BEND6: variants seen among roughly 807,000 people sequenced by gnomAD.
The protein encoded by BEND6 is BEN domain-containing protein 6.
In BEND6, 24 loss-of-function variants were observed where a neutral mutation model predicts 31.8. That is an observed-to-expected ratio of 0.75 (90% CI 0.55 to 1.06). The LOEUF (loss-of-function observed/expected upper bound fraction) is 1.06. Ranked by LOEUF, BEND6 falls within the 50% of genes least tolerant of loss-of-function variation. The probability of loss-of-function intolerance (pLI) is 0.00; values close to 1 mark genes in which losing one functional copy is unlikely to be tolerated. For missense variants in BEND6, 294 were observed against 327.4 expected, an observed-to-expected ratio of 0.90 and a Z score of 0.79; for synonymous variants, 109 against 114.6, an observed-to-expected ratio of 0.95 and a Z score of 0.31.
chr6:57,002,427 T>C (rs559516968), intron 3 of BEND6, among the ~76,000 whole-genome samples: 1 of 152,152 alleles, frequency 6.6e-6, no homozygotes, highest in Non-Finnish European at 1.5e-5. Flanking sequence ...TCTCATCTGC[T>C]CATGGAAAAT....
chr6:57,018,704 G>A (rs1433784871), intron 6 of BEND6, 147 bp downstream of exon 6: 3 of 806,710 alleles, frequency 3.7e-6, no homozygotes, highest in Non-Finnish European at 5.1e-6. Flanking sequence ...TGGCAAAAGG[G>A]GAGAACTGGG....
intron 4 of BEND6, among the ~76,000 whole-genome samples, 191 bp from the exon 5 acceptor site, chr6:57,017,016 A>G (rs1274406213): frequency 6.6e-6 from 1 of 152,014 alleles, no homozygotes; most frequent in Non-Finnish European, 1.5e-5. Flanking sequence ...CAAAGATAAC[A>G]TTTAAATCTA....
Position 56,993,582 on chromosome 6 carries a change from A to T in BEND6, c.298+1027A>T, listed in dbSNP as rs75796942. ...AGAGTAATGATTCACATCCTTTCCTAAGAATATTTGTTAAATTAAAGGCTT... is the reference window on the plus strand; with the variant it reads ...AGAGTAATGATTCACATCCTTTCCTTAGAATATTTGTTAAATTAAAGGCTT... On this transcript the variant is annotated intron_variant, in intron 3 of 6. Transcript: ENST00000370746. Among the ~76,000 whole-genome samples the T allele has an allele frequency of 9.2e-3, 1,396 of 152,348 alleles. 21 individuals are homozygous for T. The highest frequency in any genetic ancestry group is 0.032 in the African/African-American group (1,319 of 41,576).
intron 3 of BEND6, among the ~76,000 whole-genome samples, chr6:57,011,715 CAAAAAAAAAAA>C (rs770049459): frequency 2.9e-5 from 1 of 34,112 alleles, no homozygotes; most frequent in African/African-American, 1.1e-4. Context: ...GGCCCTGTCT[CAAAAAAAAAAA>C]AAAAAAAAAG....
At chr6:57,022,571 C>T (rs1041622563) in intron 6 of BEND6, among the ~76,000 whole-genome samples, 1 of 151,800 alleles carries the variant, frequency 6.6e-6, no homozygotes, top group African/African-American at 2.4e-5. Context: ...CTAAAAACAC[C>T]AGTTTTTTCT....
intron 6 of BEND6, among the ~76,000 whole-genome samples, chr6:57,022,371 A>G (rs902990597): frequency 2.0e-5 from 3 of 151,908 alleles, no homozygotes; most frequent in Non-Finnish European, 2.9e-5. Context: ...GTATGTGTCC[A>G]GGAATTTAAC....
Position 56,992,650 on chromosome 6 carries a change from T to A in BEND6, c.298+95T>A, listed in dbSNP as rs1826550336. 3 of 1,341,130 alleles carry A rather than the reference T, an allele frequency of 2.2e-6. No homozygotes were observed. In the East Asian group the frequency reaches 7.2e-5, roughly 32 times the overall value. 83.1% of individuals were successfully genotyped at this position (1,341,130 alleles called of 1,614,324 possible). ...TAGCTGTCAAGAATGAAGAAGAAAATCCACACCTCTGGGAGCTCAAAAAAT... is the reference window on the plus strand; with the variant it reads ...TAGCTGTCAAGAATGAAGAAGAAAAACCACACCTCTGGGAGCTCAAAAAAT... On this transcript the variant is annotated intron_variant, in intron 3 of 6. Transcript: ENST00000370746.
Position 56,968,312 on chromosome 6 carries a change from C to CTTTTTTT in BEND6, c.-101+12872_-101+12878dup, listed in dbSNP as rs779756084. Among the ~76,000 whole-genome samples the CTTTTTTT allele has an allele frequency of 2.9e-4, 19 of 65,982 alleles. 1 individual carries two copies. The highest frequency in any genetic ancestry group is 9.9e-4 in the African/African-American group (15 of 15,146). The allele number at this position is 65,982 out of a possible 152,430, so 43.3% of individuals were successfully genotyped here. A position where few individuals can be genotyped will look rare whatever the true frequency, so the allele number is the denominator to read the frequency against. On this transcript the variant is annotated intron_variant, in intron 1 of 6. Transcript: ENST00000370746. The stretch of plus-strand genomic sequence containing the variant: ...TTCTTTTTCTTTCTTTCTTTCTTTT[C>CTTTTTTT]TTTTTTTTTTTTTTTTTTTTTTTTT...
At chr6:56,992,779 A>T (rs1351593045) in intron 3 of BEND6, among the ~76,000 whole-genome samples, 1 of 152,236 alleles carries the variant, frequency 6.6e-6, no homozygotes, top group Non-Finnish European at 1.5e-5. Flanking sequence ...CCTACAAAAT[A>T]CTAAATATTA....
At chr6:56,999,192 G>A (rs1156626581) in intron 3 of BEND6, among the ~76,000 whole-genome samples, 2 of 152,160 alleles carry the variant, frequency 1.3e-5, no homozygotes, top group African/African-American at 4.8e-5. Context: ...CAGGTATTCA[G>A]AGCACTTGCT....
At chr6:57,023,330 A>G (rs971122599) in intron 6 of BEND6, among the ~76,000 whole-genome samples, 2 of 152,158 alleles carry the variant, frequency 1.3e-5, no homozygotes, top group African/African-American at 4.8e-5. Flanking sequence ...GACATTTTAA[A>G]CTATTATAGC....
chr6:56,960,609 T>C lies in BEND6; in HGVS notation c.-101+5149T>C, dbSNP rs567903682. Among the ~76,000 whole-genome samples the C allele has an allele frequency of 1.3e-3, 197 of 152,334 alleles. 1 individual carries two copies. Among genetic ancestry groups the C allele is most frequent in the Admixed American group, 4.1e-3 (62 of 15,298 alleles). On this transcript the variant is annotated intron_variant, in intron 1 of 6. Coordinates refer to ENST00000370746, the MANE Select transcript of BEND6 (RefSeq NM_152731.3). ...AATAATTCTTTGTCATTTAGGACTT[T>C]TGCATTAAATATTTTGTGCTAATAG... is the stretch of plus-strand genomic sequence containing the variant.
chr6:56,993,186 G>A (rs981557535), intron 3 of BEND6, among the ~76,000 whole-genome samples: 1 of 152,184 alleles, frequency 6.6e-6, no homozygotes, highest in Non-Finnish European at 1.5e-5. Flanking sequence ...ATGCCTTTTT[G>A]TAGGATCCTA....
At position 56,955,879 on chromosome 6, in the gene BEND6, C is replaced by T. The variant is rs183081375; in HGVS notation, c.-101+419C>T. Among the ~76,000 whole-genome samples the T allele has an allele frequency of 4.9e-4, 74 of 152,312 alleles. 1 individual carries two copies. The East Asian group carries it at 0.013, about 27-fold the overall frequency. On this transcript the variant is annotated intron_variant, in intron 1 of 6. Coordinates refer to ENST00000370746, the MANE Select transcript of BEND6 (RefSeq NM_152731.3). ...CAGGCACACTCTGTCTCCCCTTTGT[C>T]CCCTCCCCACGTTTCTTCATAACCA...
Position 57,017,301 on chromosome 6 carries a change from A to G in BEND6, c.614A>G (p.Tyr205Cys). ...DLMQVLYTNE[Y>C]MATHSLTGAK... ...ATGCAAGTACTTTACACAAATGAAT[A>G]CATGGCCACTCACAGCCTGACAGGG... Residue 205 changes from tyrosine (Y) to cysteine (C), a missense_variant, in exon 5 of 7, where the codon TAC becomes TGC. Coordinates refer to ENST00000370746, the MANE Select transcript of BEND6 (RefSeq NM_152731.3). 6.7e-7 allele frequency: 1 copy of G among 1,499,578 alleles called. No homozygotes were observed. Among genetic ancestry groups the G allele is most frequent in the Non-Finnish European group, 8.9e-7 (1 of 1,121,398 alleles). 92.9% of individuals were successfully genotyped at this position (1,499,578 alleles called of 1,614,324 possible).
At chr6:56,969,862 C>T (rs886460564) in intron 1 of BEND6, among the ~76,000 whole-genome samples, 4 of 151,882 alleles carry the variant, frequency 2.6e-5, no homozygotes, top group Non-Finnish European at 4.4e-5. Flanking sequence ...TTACAAAACT[C>T]CCCTTTTTCT....
At chr6:56,968,952 G>C (rs9367701) in intron 1 of BEND6, among the ~76,000 whole-genome samples, 9,024 of 151,948 alleles carry the variant, frequency 0.059, 393 homozygotes, top group East Asian at 0.18. Flanking sequence ...GCAGGCGCCA[G>C]TAATCCTAGC....
intron 5 of BEND6, among the ~76,000 whole-genome samples, chr6:57,017,980 G>A (rs1272607317): frequency 6.6e-6 from 1 of 152,166 alleles, no homozygotes; most frequent in Non-Finnish European, 1.5e-5. Context: ...CATGCTGTTA[G>A]ACTGACTTTA....
At chr6:57,012,464 A>G (rs946481987) in intron 3 of BEND6, among the ~76,000 whole-genome samples, 5 of 152,162 alleles carry the variant, frequency 3.3e-5, no homozygotes, top group Non-Finnish European at 7.3e-5. Context: ...GAGGATGGAA[A>G]TGTTCTATAT....
Sources: gnomAD v4.1 joint callset for allele counts (sites outside exome capture counted in the v4.1 genomes callset) on GRCh38, gnomAD v4.1.1 for gene constraint, MANE v1.5 for transcripts, NCBI Gene and HGNC (gene_info 2026-07-23, HGNC 2026-07-21) for gene names.